MAGI3: variants seen among roughly 807,000 people sequenced by gnomAD.
The protein encoded by MAGI3 is membrane associated guanylate kinase, WW and PDZ domain containing 3.
MAGI3 carries 43 observed loss-of-function variants against 121.8 expected under a neutral mutation model. The observed-to-expected ratio is 0.35, with a 90% confidence interval of 0.28 to 0.46. The LOEUF (loss-of-function observed/expected upper bound fraction) is 0.46. MAGI3 is among the 20% of genes least tolerant of loss of function. The pLI is 1.00. For synonymous variants in MAGI3, 553 were observed against 639.3 expected (o/e 0.86, Z 2.04); for missense variants, 1,547 against 1,797.3 (o/e 0.86, Z 2.52).
chr1:113,650,119 G>T (rs1451254065), intron 13 of MAGI3, among the ~76,000 whole-genome samples: 1 of 151,800 alleles, frequency 6.6e-6, no homozygotes, highest in East Asian at 1.9e-4. Flanking sequence ...AAAATTACAG[G>T]CTTCTTATTT....
chr1:113,600,441 G>T (rs1649296131), intron 6 of MAGI3, among the ~76,000 whole-genome samples: 1 of 151,038 alleles, frequency 6.6e-6, no homozygotes, highest in Non-Finnish European at 1.5e-5. Flanking sequence ...GACAAACAGA[G>T]AGCCAAATCA....
At chr1:113,592,511 G>T (rs4838993) in intron 5 of MAGI3, among the ~76,000 whole-genome samples, 1 of 151,960 alleles carries the variant, frequency 6.6e-6, no homozygotes, top group Non-Finnish European at 1.5e-5. Flanking sequence ...AGGTATTTTC[G>T]TGTTGTTGTT....
Position 113,418,327 on chromosome 1 carries a change from C to T in MAGI3, c.316+26978C>T, listed in dbSNP as rs545140420. Among the ~76,000 whole-genome samples the T allele has an allele frequency of 2.9e-4, 44 of 152,228 alleles. 1 individual carries two copies. The South Asian group carries it at 8.9e-3, about 31-fold the overall frequency. On this transcript the variant is annotated intron_variant, in intron 1 of 20. Transcript: ENST00000307546. The stretch of plus-strand genomic sequence containing the variant: ...CTTTTCCTGTTATCTTTTTCTACTT[C>T]CCTACTTGAAATTTTCCACAGTGTC...
chr1:113,672,814 T>C (rs1179083323), intron 18 of MAGI3, 73 bp downstream of exon 18: 2 of 1,513,536 alleles, frequency 1.3e-6, no homozygotes, highest in Non-Finnish European at 1.8e-6. Context: ...GAATTTTTAT[T>C]GCAAATCAGT....
rs370275444 is a variant in MAGI3 at position 113,642,028 on chromosome 1, G to A, written c.1478G>A (p.Gly493Asp). 2.5e-6 allele frequency: 4 copies of A among 1,613,962 alleles called. No homozygotes were observed. The African/African-American group carries it at 5.3e-5, about 22-fold the overall frequency. The change falls in exon 10 of 21, where the codon GGT becomes GAT. Residue 493 changes from glycine to aspartate, a missense_variant. Coordinates refer to ENST00000307546, the MANE Select transcript of MAGI3 (RefSeq NM_001142782.2). ...NQYVNLTLCRGYPLPDDSEDP... is the reference protein window; with the variant it reads ...NQYVNLTLCRDYPLPDDSEDP... The stretch of plus-strand genomic sequence containing the variant: ...TATGTAAACCTCACTTTATGTCGTG[G>A]TTATCCACTTCCTGATGACAGTGAA...
intron 1 of MAGI3, among the ~76,000 whole-genome samples, chr1:113,512,066 A>C (rs1657642583): frequency 6.6e-6 from 1 of 152,222 alleles, no homozygotes; most frequent in Non-Finnish European, 1.5e-5. Flanking sequence ...AGTAATTTGA[A>C]AACGTTCAAA....
At chr1:113,485,580 T>G (rs1476095405) in intron 1 of MAGI3, among the ~76,000 whole-genome samples, 1 of 152,252 alleles carries the variant, frequency 6.6e-6, no homozygotes, top group Non-Finnish European at 1.5e-5. Flanking sequence ...ACCAGATGTA[T>G]AGACTGTGAA....
chr1:113,524,754 T>C (rs1658375111), intron 1 of MAGI3, among the ~76,000 whole-genome samples: 1 of 152,112 alleles, frequency 6.6e-6, no homozygotes, highest in Non-Finnish European at 1.5e-5. Context: ...CTGAAATGAG[T>C]TAAGACTTTG....
Position 113,683,237 on chromosome 1 carries a change from T to C in MAGI3, c.3669T>C (p.Ser1223=). 4.3e-6 allele frequency: 7 copies of C among 1,613,284 alleles called. No homozygotes were observed. The highest frequency in any genetic ancestry group is 5.9e-6 in the Non-Finnish European group (7 of 1,179,778). ...TTACACGAAGAGGTAGATCGGTTAG[T>C]CCCAAAAAGCCAGCCAGTCAACATT... ...NGVTRRGRSV[S]PKKPASQHSE... is the part of the protein sequence containing the mutation. Residue 1223 remains serine, a synonymous_variant, in exon 21 of 21, where the codon AGT becomes AGC. Coordinates refer to ENST00000307546, the MANE Select transcript of MAGI3 (RefSeq NM_001142782.2).
chr1:113,517,737 A>G (rs1657997843), intron 1 of MAGI3, among the ~76,000 whole-genome samples: 1 of 152,036 alleles, frequency 6.6e-6, no homozygotes, highest in African/African-American at 2.4e-5. Context: ...CTAGCTTCAG[A>G]GTAAGCATCT....
intron 1 of MAGI3, among the ~76,000 whole-genome samples, chr1:113,438,305 A>G (rs1329164683): frequency 3.9e-5 from 6 of 152,166 alleles, no homozygotes; most frequent in African/African-American, 1.4e-4. Flanking sequence ...CAAGACCCCC[A>G]TTGGATGCCT....
At chr1:113,582,767 A>G (rs955130643) in intron 3 of MAGI3, among the ~76,000 whole-genome samples, 1 of 151,964 alleles carries the variant, frequency 6.6e-6, no homozygotes, top group African/African-American at 2.4e-5. Flanking sequence ...AGATGTGGCC[A>G]TATATGTATA....
At chr1:113,659,490 G>C (rs931387213) in intron 16 of MAGI3, among the ~76,000 whole-genome samples, 1 of 152,190 alleles carries the variant, frequency 6.6e-6, no homozygotes, top group Non-Finnish European at 1.5e-5. Context: ...AGTGTGGACC[G>C]TTTATTTATG....
chr1:113,493,636 A>G (rs1480800826), intron 1 of MAGI3, among the ~76,000 whole-genome samples: 3 of 152,212 alleles, frequency 2.0e-5, no homozygotes, highest in Non-Finnish European at 4.4e-5. Context: ...ACATCTGTCA[A>G]AGGTCAAATA....
intron 1 of MAGI3, among the ~76,000 whole-genome samples, chr1:113,462,649 C>A (rs936428959): frequency 6.6e-6 from 1 of 152,030 alleles, no homozygotes. Context: ...CAACAGACCC[C>A]CTTGACACAT....
chr1:113,559,367 AG>A (rs1369604327), intron 2 of MAGI3, among the ~76,000 whole-genome samples: 3 of 152,336 alleles, frequency 2.0e-5, no homozygotes, highest in Admixed American at 2.0e-4. Flanking sequence ...AAATTTATCA[AG>A]CCAATGGAAA....
intron 16 of MAGI3, among the ~76,000 whole-genome samples, chr1:113,670,695 A>G (rs1209705729): frequency 6.6e-6 from 1 of 152,230 alleles, no homozygotes; most frequent in Non-Finnish European, 1.5e-5. Context: ...TATTGTGACT[A>G]TTATATGCCA....
At chr1:113,587,593 T>C (rs1218619849) in intron 4 of MAGI3, among the ~76,000 whole-genome samples, 1 of 152,190 alleles carries the variant, frequency 6.6e-6, no homozygotes, top group East Asian at 1.9e-4. Context: ...TGCACACCAG[T>C]ATGTTTATTA....
At chr1:113,600,100 C>G (rs1165738698) in intron 6 of MAGI3, among the ~76,000 whole-genome samples, 1 of 152,082 alleles carries the variant, frequency 6.6e-6, no homozygotes, top group East Asian at 1.9e-4. Context: ...CTATGACAAA[C>G]CCACAACCAA....
Sources: allele counts gnomAD v4.1 joint callset (sites outside exome capture counted in the v4.1 genomes callset), GRCh38; gene constraint gnomAD v4.1.1; transcripts MANE v1.5; gene names NCBI Gene and HGNC (gene_info 2026-07-23, HGNC 2026-07-21).